Variants in H2BC18 observed in about 807,000 individuals in gnomAD.
The protein encoded by H2BC18 is histone H2B type 2-F.
Under a neutral mutation model 6.3 loss-of-function variants are expected in H2BC18, and 8 were observed. That is an observed-to-expected ratio of 1.28 (90% confidence interval 0.75 to 2.31). The LOEUF (loss-of-function observed/expected upper bound fraction) is 2.31. H2BC18 is among the 30% of genes most tolerant of loss of function. The probability of loss-of-function intolerance (pLI) is 0.00; values close to 1 mark genes in which losing one functional copy is unlikely to be tolerated. For synonymous variants in H2BC18, 104 were observed against 78.1 expected, an observed-to-expected ratio of 1.33 and a Z score of -1.75; for missense variants, 106 against 174.5, an observed-to-expected ratio of 0.61 and a Z score of 2.21.
intron 1 of H2BC18, chr1:149,788,374 C>T (rs1553751083): frequency 2.5e-6 from 4 of 1,612,830 alleles, no homozygotes; most frequent in South Asian, 1.1e-5. Flanking sequence ...AGGCTGGCTA[C>T]TACTGCAGGT....
chr1:149,806,416 G>A (rs3123999), intron 1 of H2BC18, among the ~76,000 whole-genome samples: 1 of 152,000 alleles, frequency 6.6e-6, no homozygotes, highest in African/African-American at 2.4e-5. Flanking sequence ...GTGAAACCCC[G>A]TCTCTACTAA....
In H2BC18 at chr1:149,792,671, C is replaced by T. The variant is rs183784240; in HGVS notation, c.378-9411G>A. The stretch of plus-strand genomic sequence containing the variant: ...CGCCTGTATCTGGGGGCCGCAGCCG[C>T]CAGCGCCCGGGGACCCAGCTGCGGC... On this transcript the variant is annotated intron_variant, in intron 1 of 1. Coordinates refer to the H2BC18 transcript ENST00000545683. The T allele has an allele frequency of 3.1e-6, 4 of 1,278,640 alleles. No homozygotes were observed. The Admixed American group carries it at 9.4e-5, about 30-fold the overall frequency. The allele number at this position is 1,278,640 out of a possible 1,614,324, so 79.2% of individuals were successfully genotyped here. A position where few individuals can be genotyped will look rare whatever the true frequency, so the allele number is the denominator to read the frequency against.
intron 1 of H2BC18, among the ~76,000 whole-genome samples, chr1:149,793,520 C>T (rs1464248791): frequency 6.6e-6 from 1 of 152,090 alleles, no homozygotes; most frequent in Non-Finnish European, 1.5e-5. Context: ...GGATCTGATG[C>T]AGCTGGCGGG....
At chr1:149,784,668 T>C (rs1241414868) in intron 1 of H2BC18, among the ~76,000 whole-genome samples, 51 of 146,848 alleles carry the variant, frequency 3.5e-4, no homozygotes, top group African/African-American at 1.2e-3. Flanking sequence ...ATTATGCATA[T>C]ATATGTATAT....
At chr1:149,800,214 T>C (rs375394413) in intron 1 of H2BC18, among the ~76,000 whole-genome samples, 1 of 152,198 alleles carries the variant, frequency 6.6e-6, no homozygotes, top group Non-Finnish European at 1.5e-5. Context: ...GGAAGGAGCA[T>C]GGAGCTTCCA....
chr1:149,785,441 G>A (rs1346344239), intron 1 of H2BC18, among the ~76,000 whole-genome samples: 2 of 107,462 alleles, frequency 1.9e-5, no homozygotes, highest in Non-Finnish European at 3.6e-5. Context: ...TTTTGAGACA[G>A]AGTCTCACTC....
intron 1 of H2BC18, chr1:149,784,287 A>C (rs1383151747): frequency 5.0e-6 from 8 of 1,609,250 alleles, no homozygotes; most frequent in African/African-American, 2.8e-5. Flanking sequence ...GGAGGGCCGG[A>C]AACCACAAGG....
intron 1 of H2BC18, among the ~76,000 whole-genome samples, chr1:149,802,296 A>C (rs1571414415): frequency 6.6e-6 from 1 of 152,160 alleles, no homozygotes; most frequent in African/African-American, 2.4e-5. Context: ...TGAAGAAACC[A>C]AAAAAAGCAA....
At chr1:149,799,506 C>T (rs2091839086) in intron 1 of H2BC18, among the ~76,000 whole-genome samples, 1 of 151,948 alleles carries the variant, frequency 6.6e-6, no homozygotes, top group Non-Finnish European at 1.5e-5. Context: ...TTTATTTTCT[C>T]ATGACTATGG....
At chr1:149,807,901 G>A (rs1553754056), downstream of H2BC18, among the ~76,000 whole-genome samples, 1 of 152,192 alleles carries the variant, frequency 6.6e-6, no homozygotes, top group Admixed American at 6.5e-5. Context: ...GGTGAGCAAT[G>A]CTCCAAGAGT....
chr1:149,799,881 G>C (rs609312), intron 1 of H2BC18, among the ~76,000 whole-genome samples: 1 of 152,168 alleles, frequency 6.6e-6, no homozygotes, highest in African/African-American at 2.4e-5. Flanking sequence ...GACGGCGGAG[G>C]GGGGTTCTCC....
At chr1:149,811,681 A>T (rs189058287), downstream of H2BC18, 174 of 572,086 alleles carry the variant, frequency 3.0e-4, 2 homozygotes, top group Admixed American at 5.2e-3. Context: ...AACGAGTCAA[A>T]CCTTTCGAAT....
intron 1 of H2BC18, chr1:149,785,947 G>T: frequency 6.6e-6 from 1 of 152,088 alleles, no homozygotes; most frequent in South Asian, 2.1e-4. Context: ...CATTATGATT[G>T]TGAACTGTAT....
At chr1:149,796,008 C>T (rs2091796525) in intron 1 of H2BC18, among the ~76,000 whole-genome samples, 1 of 151,588 alleles carries the variant, frequency 6.6e-6, no homozygotes, top group Non-Finnish European at 1.5e-5. Flanking sequence ...AAAATCTGGT[C>T]TTGCATAAGG....
intron 1 of H2BC18, among the ~76,000 whole-genome samples, chr1:149,800,825 C>T (rs2091860209): frequency 6.6e-6 from 1 of 151,814 alleles, no homozygotes; most frequent in South Asian, 2.1e-4. Context: ...GTGGTTCACA[C>T]CTGTAAACCC....
chr1:149,807,923 G>A (rs1176033103), downstream of H2BC18, among the ~76,000 whole-genome samples: 1 of 152,336 alleles, frequency 6.6e-6, no homozygotes, highest in South Asian at 2.1e-4. Flanking sequence ...TTCTGATGCT[G>A]TAAACTGAGT....
At chr1:149,793,030 G>T (rs1553752310) in intron 1 of H2BC18, 2 of 1,263,694 alleles carry the variant, frequency 1.6e-6, no homozygotes, top group Admixed American at 5.1e-5. Flanking sequence ...CCCCGGGCCC[G>T]CCAGCTCCCG....
downstream of H2BC18, among the ~76,000 whole-genome samples, chr1:149,808,576 G>A (rs1334339581): frequency 2.0e-5 from 3 of 151,874 alleles, no homozygotes; most frequent in Admixed American, 1.3e-4. Flanking sequence ...ATAAACTAAA[G>A]GAAAATATTA....
downstream of H2BC18, among the ~76,000 whole-genome samples, chr1:149,810,213 G>C (rs1371964032): frequency 2.6e-5 from 4 of 151,988 alleles, no homozygotes; most frequent in African/African-American, 9.7e-5. Context: ...CAACTGTATA[G>C]AAAATAGACC....
Sources: gnomAD v4.1 joint callset for allele counts (sites outside exome capture counted in the v4.1 genomes callset) on GRCh38, gnomAD v4.1.1 for gene constraint, MANE v1.5 for transcripts, NCBI Gene and HGNC (gene_info 2026-07-23, HGNC 2026-07-21) for gene names.